TRPM3: variants seen among roughly 807,000 people sequenced by gnomAD.
The protein encoded by TRPM3 is long transient receptor potential channel 3.
TRPM3 carries 77 observed loss-of-function variants against 181.2 expected under a neutral mutation model. The observed-to-expected ratio is 0.42, with a 90% CI of 0.35 to 0.51. The LOEUF (loss-of-function observed/expected upper bound fraction) is 0.51. TRPM3 is among the 20% of genes least tolerant of loss of function. The probability of loss-of-function intolerance (pLI) is 0.01; values close to 1 mark genes in which losing one functional copy is unlikely to be tolerated. For missense variants in TRPM3, 1,759 were observed against 2,196.7 expected, an observed-to-expected ratio of 0.80 and a Z score of 3.98; for synonymous variants, 745 against 796.4, an observed-to-expected ratio of 0.94 and a Z score of 1.09.
intron 25 of TRPM3, among the ~76,000 whole-genome samples, chr9:70,539,293 G>C (rs1486410655): frequency 2.6e-5 from 4 of 151,972 alleles, no homozygotes; most frequent in African/African-American, 4.8e-5. Flanking sequence ...ATCTCTGGGA[G>C]ACCTATAGAC....
At chr9:70,550,803 T>A (rs549381034) in intron 24 of TRPM3, among the ~76,000 whole-genome samples, 3 of 152,330 alleles carry the variant, frequency 2.0e-5, no homozygotes, top group African/African-American at 7.2e-5. Context: ...AAAGTATGAA[T>A]GTAAAAGCAG....
intron 1 of TRPM3, among the ~76,000 whole-genome samples, chr9:71,193,417 T>C (rs1291616865): frequency 6.6e-6 from 1 of 151,818 alleles, no homozygotes; most frequent in Admixed American, 6.6e-5. Context: ...CAAACTCTCT[T>C]CTCAAGCTTA....
At chr9:71,324,730 C>A (rs2089525802) in intron 1 of TRPM3, among the ~76,000 whole-genome samples, 2 of 151,966 alleles carry the variant, frequency 1.3e-5, no homozygotes, top group African/African-American at 4.8e-5. Flanking sequence ...TGTCGACTGG[C>A]AGATAAACGC....
At chr9:70,646,710 A>T (rs150561638) in intron 9 of TRPM3, among the ~76,000 whole-genome samples, 2 of 152,238 alleles carry the variant, frequency 1.3e-5, no homozygotes, top group East Asian at 3.9e-4. Context: ...CAGAACTTAA[A>T]GTATAATAAT....
chr9:70,836,622 T>C (rs1367411461), intron 5 of TRPM3, among the ~76,000 whole-genome samples: 1 of 152,200 alleles, frequency 6.6e-6, no homozygotes, highest in Non-Finnish European at 1.5e-5. Context: ...TTGGCTTGCA[T>C]GACTCCCTCT....
chr9:70,814,798 C>A (rs912213527), intron 6 of TRPM3, among the ~76,000 whole-genome samples: 8 of 152,000 alleles, frequency 5.3e-5, no homozygotes, highest in South Asian at 2.1e-4. Flanking sequence ...GGGAGAAAGG[C>A]ACCCAACTCC....
At chr9:70,675,895 T>C (rs1232049408) in intron 9 of TRPM3, among the ~76,000 whole-genome samples, 2 of 152,236 alleles carry the variant, frequency 1.3e-5, no homozygotes, top group East Asian at 1.9e-4. Flanking sequence ...ATTAACAATA[T>C]GTGATATCAT....
chr9:71,428,499 G>A lies in TRPM3; in HGVS notation c.183+18154C>T, dbSNP rs534091593. ...TTTAAAATCAGTTACATATTTGGAT[G>A]AACAGTTTTACATTTCATCATTGAG... On this transcript the variant is annotated intron_variant, in intron 1 of 24. Transcript: ENST00000357533. 5.9e-5 allele frequency among the ~76,000 whole-genome samples: 9 copies of A among 152,198 alleles called. No individual in the cohort carries two copies. The East Asian group carries it at 1.7e-3, about 29-fold the overall frequency.
intron 1 of TRPM3, among the ~76,000 whole-genome samples, chr9:71,439,531 A>G (rs2131660577): frequency 6.6e-6 from 1 of 152,310 alleles, no homozygotes; most frequent in African/African-American, 2.4e-5. Context: ...GCTGGAAATC[A>G]AGTCTGTCTA....
At chr9:71,091,444 C>G (rs924428870) in intron 1 of TRPM3, among the ~76,000 whole-genome samples, 1 of 152,042 alleles carries the variant, frequency 6.6e-6, no homozygotes, top group Non-Finnish European at 1.5e-5. Flanking sequence ...CACTGCCTAC[C>G]CCTTACAACA....
intron 1 of TRPM3, among the ~76,000 whole-genome samples, chr9:71,071,185 C>T (rs1306964860): frequency 2.6e-5 from 4 of 152,146 alleles, no homozygotes; most frequent in Non-Finnish European, 4.4e-5. Context: ...CATTTCTGGG[C>T]CATCTCCTTG....
intron 1 of TRPM3, among the ~76,000 whole-genome samples, chr9:71,188,129 A>G (rs983223387): frequency 3.3e-5 from 5 of 151,802 alleles, no homozygotes; most frequent in Non-Finnish European, 7.4e-5. Flanking sequence ...TATACAATAC[A>G]CTTCTGGAAG....
intron 1 of TRPM3, among the ~76,000 whole-genome samples, chr9:71,033,240 C>A (rs370433201): frequency 1.3e-5 from 2 of 152,178 alleles, no homozygotes; most frequent in African/African-American, 2.4e-5. Context: ...CAGACTAAAG[C>A]GTCCTAAGTA....
intron 1 of TRPM3, among the ~76,000 whole-genome samples, chr9:70,996,682 A>C (rs1012317723): frequency 6.6e-6 from 1 of 152,172 alleles, no homozygotes; most frequent in Non-Finnish European, 1.5e-5. Flanking sequence ...CTCTGGTTTG[A>C]GAGTTTATTT....
Position 71,116,782 on chromosome 9 carries a change from C to A in TRPM3, c.177+4396G>T, listed in dbSNP as rs118115293. On this transcript the variant is annotated intron_variant, in intron 1 of 25. Coordinates refer to ENST00000677713, the MANE Select transcript of TRPM3 (RefSeq NM_001366145.2). Reference sequence around the variant, plus strand: ...AGGGAATTTACTATGTAAAACTCTACATAGTTTTATCAGAAGGCAGGGTAT... The same window carrying A: ...AGGGAATTTACTATGTAAAACTCTAAATAGTTTTATCAGAAGGCAGGGTAT... Among the ~76,000 whole-genome samples the A allele has an allele frequency of 4.9e-3, 739 of 152,204 alleles. 19 individuals carry two copies. The East Asian group carries it at 0.078, about 16-fold the overall frequency.
At chr9:70,965,281 T>C (rs1320831564) in intron 1 of TRPM3, among the ~76,000 whole-genome samples, 2 of 152,086 alleles carry the variant, frequency 1.3e-5, no homozygotes, top group East Asian at 1.9e-4. Context: ...GTAATTATTG[T>C]ACTTTGATTT....
intron 1 of TRPM3, among the ~76,000 whole-genome samples, chr9:70,905,795 T>G (rs1010463039): frequency 6.6e-6 from 1 of 151,312 alleles, no homozygotes; most frequent in Non-Finnish European, 1.5e-5. Context: ...CAGGCTGGAG[T>G]GCGGTGGTGC....
At chr9:71,436,298 C>CTTTTTTTTTTTTTTTTTTTTT (rs71352382) in intron 1 of TRPM3, among the ~76,000 whole-genome samples, 1 of 77,288 alleles carries the variant, frequency 1.3e-5, no homozygotes, top group Non-Finnish European at 2.6e-5. Flanking sequence ...TTTTTTCTTT[C>CTTTTTTTTTTTTTTTTTTTTT]TTTTTTTTTT....
intron 1 of TRPM3, among the ~76,000 whole-genome samples, chr9:71,287,675 C>T (rs1025579190): frequency 6.7e-6 from 1 of 149,502 alleles, no homozygotes; most frequent in Non-Finnish European, 1.5e-5. Flanking sequence ...TGCTATAATA[C>T]AATTGATATA....
Sources: gnomAD v4.1 joint callset for allele counts (sites outside exome capture counted in the v4.1 genomes callset) on GRCh38, gnomAD v4.1.1 for gene constraint, MANE v1.5 for transcripts, NCBI Gene and HGNC (gene_info 2026-07-23, HGNC 2026-07-21) for gene names.